The following ZNF710 variants were observed in gnomAD, a reference collection of about 807,000 sequenced individuals.
ZNF710 encodes the protein zinc finger protein 710.
Under a neutral mutation model 50.6 loss-of-function variants are expected in ZNF710, and 13 were observed. That is an observed-to-expected ratio of 0.26 (90% CI 0.17 to 0.41). ZNF710 has a LOEUF of 0.41. ZNF710 is among the 10% of genes least tolerant of loss of function. ZNF710 has a pLI of 1.00. For missense variants in ZNF710, 721 were observed against 936.6 expected (o/e 0.77, Z 3.01); for synonymous variants, 383 against 397.0 (o/e 0.96, Z 0.42).
chr15:90,014,617 G>T (rs1439201947), intron 1 of ZNF710, among the ~76,000 whole-genome samples: 1 of 151,834 alleles, frequency 6.6e-6, no homozygotes, highest in Non-Finnish European at 1.5e-5. Flanking sequence ...TTTCAGTTGG[G>T]TTAAAGATGG....
At chr15:90,021,507 CATCCTGA>C (rs547437237) in intron 1 of ZNF710, among the ~76,000 whole-genome samples, 39 of 152,338 alleles carry the variant, frequency 2.6e-4, no homozygotes, top group African/African-American at 8.2e-4. Flanking sequence ...AGGCCTGCAC[CATCCTGA>C]ATCCTCTGTT....
At chr15:90,028,974 C>T (rs1278683853) in intron 1 of ZNF710, among the ~76,000 whole-genome samples, 1 of 152,192 alleles carries the variant, frequency 6.6e-6, no homozygotes, top group Non-Finnish European at 1.5e-5. Context: ...AAGGAGTATT[C>T]ATGTTTTTCT....
intron 1 of ZNF710, among the ~76,000 whole-genome samples, chr15:90,010,636 T>C (rs1418775871): frequency 1.3e-5 from 2 of 152,136 alleles, no homozygotes; most frequent in Non-Finnish European, 2.9e-5. Context: ...ATTTGGTGTT[T>C]TCTATGTGTT....
intron 1 of ZNF710, among the ~76,000 whole-genome samples, chr15:90,003,521 C>T (rs1455742025): frequency 6.6e-6 from 1 of 152,056 alleles, no homozygotes; most frequent in African/African-American, 2.4e-5. Flanking sequence ...GGGTCTGTGT[C>T]CCTATTGCAT....
chr15:90,010,565 G>T (rs909797334), intron 1 of ZNF710, among the ~76,000 whole-genome samples: 1 of 152,136 alleles, frequency 6.6e-6, no homozygotes, highest in African/African-American at 2.4e-5. Context: ...ATAGCGCTGG[G>T]ATTACAGTGT....
chr15:90,061,614 C>G (rs1900010449), intron 1 of ZNF710, among the ~76,000 whole-genome samples: 1 of 152,204 alleles, frequency 6.6e-6, no homozygotes. Context: ...ACTCTCTGCC[C>G]TGAGATCTGT....
chr15:90,002,481 G>C (rs1380278754), intron 1 of ZNF710: 2 of 152,310 alleles, frequency 1.3e-5, no homozygotes, highest in Non-Finnish European at 2.9e-5. Context: ...GTCTTCTCGC[G>C]GTCATTTTCC....
chr15:90,029,056 G>T (rs1596274919), intron 1 of ZNF710, among the ~76,000 whole-genome samples: 1 of 152,172 alleles, frequency 6.6e-6, no homozygotes, highest in African/African-American at 2.4e-5. Flanking sequence ...TAATTTAAAA[G>T]CAAGTTATTT....
At position 90,067,605 on chromosome 15, in the gene ZNF710, C is replaced by T. The variant is rs1344363884; in HGVS notation, c.468C>T (p.Val156=). Residue 156 remains valine, a synonymous_variant, in exon 2 of 5, where the codon GTC becomes GTT. Transcript: ENST00000268154. This position sits in a 1 kb window ranked among gnomAD's most constrained non-coding sequence, Gnocchi z 8.1. The stretch of plus-strand genomic sequence containing the variant: ...ACGCCCTGGTGCAGAGCAGCGCCGT[C>T]AAGATGATCGACCTCAGCGCCTTCA... ...GCDALVQSSA[V]KMIDLSAFSR... is the part of the protein sequence containing the mutation. The T allele has an allele frequency of 1.9e-6, 3 of 1,611,178 alleles. No homozygotes were observed. In the Admixed American group the frequency reaches 5.0e-5, roughly 27 times the overall value.
At chr15:90,012,379 G>A (rs1046224313) in intron 1 of ZNF710, among the ~76,000 whole-genome samples, 83 of 129,882 alleles carry the variant, frequency 6.4e-4, no homozygotes, top group Middle Eastern at 4.5e-3. Flanking sequence ...TGCAAGCTCC[G>A]CCCCCCGGGT....
At chr15:90,003,122 C>T (rs991220627) in intron 1 of ZNF710, among the ~76,000 whole-genome samples, 1 of 152,198 alleles carries the variant, frequency 6.6e-6, no homozygotes, top group Non-Finnish European at 1.5e-5. Flanking sequence ...GATCCGCCCG[C>T]CCCGGCCTCC....
chr15:90,007,491 C>T (rs890256039), intron 1 of ZNF710, among the ~76,000 whole-genome samples: 4 of 151,924 alleles, frequency 2.6e-5, no homozygotes, highest in Admixed American at 6.6e-5. Flanking sequence ...GAAGAGGAGC[C>T]GTAGCTTTCA....
intron 1 of ZNF710, among the ~76,000 whole-genome samples, chr15:90,056,779 T>C (rs1297865280): frequency 6.6e-6 from 1 of 152,194 alleles, no homozygotes; most frequent in Admixed American, 6.5e-5. Context: ...TACCATGTGC[T>C]TTTTATGCAG....
intron 1 of ZNF710, among the ~76,000 whole-genome samples, chr15:90,056,578 A>G (rs1337424498): frequency 1.3e-5 from 2 of 152,186 alleles, no homozygotes; most frequent in African/African-American, 4.8e-5. Context: ...GCTGAAGCAC[A>G]GGGTCTTCAG....
chr15:90,077,358 C>T (rs1387535597), intron 4 of ZNF710, among the ~76,000 whole-genome samples: 2 of 151,332 alleles, frequency 1.3e-5, no homozygotes, highest in Non-Finnish European at 2.9e-5. Flanking sequence ...ATTCTCCTGC[C>T]TCAGCCTCCC....
At chr15:90,023,807 G>A (rs769296764) in intron 1 of ZNF710, among the ~76,000 whole-genome samples, 1 of 152,158 alleles carries the variant, frequency 6.6e-6, no homozygotes, top group African/African-American at 2.4e-5. Context: ...GACCAGCCTA[G>A]GCAGCATGGC....
At chr15:90,047,519 C>T (rs1001848623) in intron 1 of ZNF710, among the ~76,000 whole-genome samples, 3 of 152,138 alleles carry the variant, frequency 2.0e-5, no homozygotes, top group Non-Finnish European at 4.4e-5. Context: ...CAGACTAATA[C>T]TTTATCAACC....
intron 1 of ZNF710, among the ~76,000 whole-genome samples, chr15:90,007,441 T>G (rs1567217943): frequency 1.3e-5 from 2 of 152,034 alleles, no homozygotes; most frequent in Non-Finnish European, 2.9e-5. Context: ...TCAGGGGTAC[T>G]TGAAACTGTG....
chr15:89,998,768 A>G (rs1325588067), upstream of ZNF710, among the ~76,000 whole-genome samples: 1 of 152,214 alleles, frequency 6.6e-6, no homozygotes, highest in Non-Finnish European at 1.5e-5. Context: ...GAAAAGTTAG[A>G]GAGGTTGACT....
Sources: allele counts gnomAD v4.1 joint callset (sites outside exome capture counted in the v4.1 genomes callset), GRCh38; gene constraint gnomAD v4.1.1; non-coding constraint Gnocchi (gnomAD v3.1); transcripts MANE v1.5; gene names NCBI Gene and HGNC (gene_info 2026-07-23, HGNC 2026-07-21).